VWA3B: variants seen among roughly 807,000 people sequenced by gnomAD.
VWA3B encodes von Willebrand factor A domain-containing protein 3B.
A neutral mutation model predicts 158.3 loss-of-function variants in VWA3B; 138 were observed. The observed-to-expected ratio is 0.87, with a 90% CI of 0.76 to 1.00. The LOEUF is 1.00. VWA3B is among the 50% of genes least tolerant of loss of function. The pLI, the probability that VWA3B is intolerant of heterozygous loss-of-function variation, is 0.00. For synonymous variants in VWA3B, 596 were observed against 587.3 expected (o/e 1.01, Z -0.21); for missense variants, 1,555 against 1,565.1 (o/e 0.99, Z 0.11).
intron 22 of VWA3B, among the ~76,000 whole-genome samples, chr2:98,279,012 A>T (rs528558649): frequency 6.6e-6 from 1 of 152,190 alleles, no homozygotes; most frequent in African/African-American, 2.4e-5. Flanking sequence ...ATGGTTTAGC[A>T]TCTGGAAGTG....
downstream of VWA3B, among the ~76,000 whole-genome samples, chr2:98,318,195 A>G (rs559675443): frequency 1.3e-5 from 2 of 152,322 alleles, no homozygotes; most frequent in East Asian, 1.9e-4. Flanking sequence ...CAGAAATACA[A>G]TTTGACCCAG....
intron 7 of VWA3B, among the ~76,000 whole-genome samples, chr2:98,141,168 C>A (rs984403041): frequency 1.3e-5 from 2 of 152,246 alleles, no homozygotes. Flanking sequence ...TGAAGGAGAC[C>A]TTTTTGCTTC....
chr2:98,188,215 T>C (rs1681284433), intron 10 of VWA3B, 86 bp downstream of exon 10: 1 of 1,508,078 alleles, frequency 6.6e-7, no homozygotes, highest in South Asian at 1.3e-5. Context: ...CCTTTTATTT[T>C]TAGTTGACAC....
intron 5 of VWA3B, 94 bp downstream of exon 5, chr2:98,121,552 C>A (rs1257516416): frequency 6.7e-6 from 10 of 1,484,122 alleles, no homozygotes; most frequent in South Asian, 6.1e-5. Context: ...TTCAACTGAT[C>A]TTGGGCCCCT....
chr2:98,140,280 G>C (rs1315007938), intron 7 of VWA3B, among the ~76,000 whole-genome samples: 1 of 152,222 alleles, frequency 6.6e-6, no homozygotes, highest in African/African-American at 2.4e-5. Flanking sequence ...CTTCCTCCCA[G>C]CACTGACCCA....
At chr2:98,284,272 C>T (rs1308579191) in intron 22 of VWA3B, among the ~76,000 whole-genome samples, 2 of 152,186 alleles carry the variant, frequency 1.3e-5, no homozygotes, top group African/African-American at 4.8e-5. Flanking sequence ...GGACGTGGCT[C>T]TTAAGTTTTC....
chr2:98,166,385 G>T lies in VWA3B; in HGVS notation c.1114+3409G>T, dbSNP rs1679073757. Among the ~76,000 whole-genome samples, 3 of 152,078 alleles carry T rather than the reference G, an allele frequency of 2.0e-5. No homozygotes were observed. In the South Asian group the frequency reaches 6.2e-4, roughly 32 times the overall value. ...CAAAATGGTAATTAAGGTTAAATGA[G>T]GTCATAAAAGGAGGGCCCTAATCTG... On this transcript the variant is annotated intron_variant, in intron 8 of 27. Coordinates refer to ENST00000477737, the MANE Select transcript of VWA3B (RefSeq NM_144992.5).
chr2:98,228,139 C>G, intron 14 of VWA3B, 63 bp from the exon 15 acceptor site: 1 of 1,503,874 alleles, frequency 6.6e-7, no homozygotes, highest in Non-Finnish European at 8.9e-7. Context: ...AGAAAAGAAA[C>G]ATGTTTGGAA....
chr2:98,259,806 A>G (rs1687372668), intron 21 of VWA3B, among the ~76,000 whole-genome samples: 1 of 151,358 alleles, frequency 6.6e-6, no homozygotes, highest in African/African-American at 2.4e-5. Flanking sequence ...TCCTTTTTCT[A>G]GGTCCTTAAG....
the VWA3B span, among the ~76,000 whole-genome samples, chr2:98,326,929 C>T: frequency 6.6e-6 from 1 of 151,384 alleles, no homozygotes; most frequent in Non-Finnish European, 1.5e-5. Flanking sequence ...CTGCCAACAC[C>T]ATGATTTTAA....
rs1690988020 is a variant in VWA3B, at chr2:98,312,730, A to C, written c.*381A>C. ...GCAATCTTGTTTTAAATTAATTATC[A>C]CATCTAAATTAGAGAATTTGTCACC... On this transcript the variant is annotated 3_prime_UTR_variant, in exon 28 of 28. Coordinates refer to ENST00000477737, the MANE Select transcript of VWA3B (RefSeq NM_144992.5). The C allele has an allele frequency of 1.1e-5, 2 of 177,570 alleles. No individual in the cohort carries two copies. Among genetic ancestry groups the C allele is most frequent in the African/African-American group, 2.4e-5 (1 of 42,288 alleles). 11.0% of individuals were successfully genotyped at this position (177,570 alleles called of 1,614,324 possible).
intron 20 of VWA3B, 64 bp downstream of exon 20, chr2:98,250,500 C>A (rs1686732641): frequency 2.4e-6 from 3 of 1,225,862 alleles, no homozygotes; most frequent in Non-Finnish European, 3.4e-6. Flanking sequence ...AAGGAGACTT[C>A]TCTTGTTTTA....
At chr2:98,309,167 C>CAA (rs763812141) in intron 26 of VWA3B, among the ~76,000 whole-genome samples, 28 of 69,340 alleles carry the variant, frequency 4.0e-4, no homozygotes, top group Middle Eastern at 9.8e-3. Context: ...GAGACTCTGT[C>CAA]AAAAAAAAAA....
chr2:98,155,101 C>T (rs973425891), intron 7 of VWA3B, among the ~76,000 whole-genome samples: 1 of 152,194 alleles, frequency 6.6e-6, no homozygotes, highest in Non-Finnish European at 1.5e-5. Flanking sequence ...CAAGAGCTCT[C>T]AGCCTTGATA....
chr2:98,138,727 TTGGCTGGG>T (rs1359528297), intron 7 of VWA3B, among the ~76,000 whole-genome samples: 1 of 152,172 alleles, frequency 6.6e-6, no homozygotes, highest in Non-Finnish European at 1.5e-5. Context: ...GTGCAGCTAC[TTGGCTGGG>T]TGGTCAGAAT....
chr2:98,166,088 G>C (rs1679047486), intron 8 of VWA3B, among the ~76,000 whole-genome samples: 2 of 152,176 alleles, frequency 1.3e-5, no homozygotes, highest in Admixed American at 1.3e-4. Context: ...TGTAATCCCA[G>C]CACTTTGGGA....
At chr2:98,217,784 ATTCTT>A in intron 13 of VWA3B, 57 bp from the exon 14 acceptor site, 2 of 1,443,646 alleles carry the variant, frequency 1.4e-6, no homozygotes, top group Non-Finnish European at 1.8e-6. Flanking sequence ...GGATTTTCAT[ATTCTT>A]TTCTTTCTCT....
intron 19 of VWA3B, among the ~76,000 whole-genome samples, chr2:98,247,800 T>C (rs1686497377): frequency 6.6e-6 from 1 of 152,144 alleles, no homozygotes; most frequent in Non-Finnish European, 1.5e-5. Context: ...TGAGGACTTA[T>C]TTCTTTCATT....
chr2:98,093,839 G>T (rs1218561551), intron 2 of VWA3B, among the ~76,000 whole-genome samples: 1 of 151,982 alleles, frequency 6.6e-6, no homozygotes, highest in Non-Finnish European at 1.5e-5. Flanking sequence ...CACTCTACTC[G>T]CTACTTCTAT....
Sources: allele counts gnomAD v4.1 joint callset (sites outside exome capture counted in the v4.1 genomes callset), GRCh38; gene constraint gnomAD v4.1.1; transcripts MANE v1.5; gene names NCBI Gene and HGNC (gene_info 2026-07-23, HGNC 2026-07-21).